Variants in CTNNA2 observed in about 807,000 individuals in gnomAD.
The protein encoded by CTNNA2 is catenin alpha-2.
Under a neutral mutation model 101.0 loss-of-function variants are expected in CTNNA2, and 42 were observed. The observed-to-expected ratio is 0.42, with a 90% CI of 0.32 to 0.54. CTNNA2 has a LOEUF of 0.54. CTNNA2 is among the 20% of genes least tolerant of loss of function. The pLI is 0.14. For synonymous variants in CTNNA2, 450 were observed against 456.4 expected (o/e 0.99, Z 0.18); for missense variants, 871 against 1,223.1 (o/e 0.71, Z 4.29).
At chr2:79,899,761 T>C (rs943002799) in intron 6 of CTNNA2, among the ~76,000 whole-genome samples, 4 of 152,242 alleles carry the variant, frequency 2.6e-5, no homozygotes, top group Non-Finnish European at 5.9e-5. Flanking sequence ...TAAAATACTT[T>C]GCAATTTAAA....
At chr2:80,524,649 A>G (rs976161464) in intron 9 of CTNNA2, among the ~76,000 whole-genome samples, 12 of 152,268 alleles carry the variant, frequency 7.9e-5, no homozygotes, top group African/African-American at 2.4e-4. Context: ...TCCCTAGAAT[A>G]GTCTCCCTAT....
At chr2:80,161,663 A>T (rs1704329600) in intron 7 of CTNNA2, among the ~76,000 whole-genome samples, 1 of 152,306 alleles carries the variant, frequency 6.6e-6, no homozygotes, top group East Asian at 1.9e-4. Context: ...AGGCTTCATG[A>T]ATCTTTTTTC....
chr2:79,498,808 A>G (rs1333106610), intron 4 of CTNNA2: 1 of 152,182 alleles, frequency 6.6e-6, no homozygotes, highest in Non-Finnish European at 1.5e-5. Context: ...GTTAACAAAA[A>G]CTTCACCTTG....
intron 7 of CTNNA2, among the ~76,000 whole-genome samples, chr2:80,216,498 T>C (rs552284308): frequency 6.6e-6 from 1 of 152,320 alleles, no homozygotes; most frequent in Admixed American, 6.5e-5. Context: ...AGGTGACGCC[T>C]TTGGGAGTTA....
At chr2:79,757,825 T>A (rs535610941) in intron 3 of CTNNA2, among the ~76,000 whole-genome samples, 3 of 152,210 alleles carry the variant, frequency 2.0e-5, no homozygotes, top group Non-Finnish European at 4.4e-5. Flanking sequence ...CATGAGTTCA[T>A]TGGGGCTCAT....
intron 4 of CTNNA2, among the ~76,000 whole-genome samples, chr2:79,448,081 T>C (rs1175318288): frequency 6.6e-6 from 1 of 152,078 alleles, no homozygotes; most frequent in African/African-American, 2.4e-5. Context: ...GATTTTCTTA[T>C]AGACAGTATA....
At chr2:79,219,378 A>G (rs760896172) in intron 2 of CTNNA2, among the ~76,000 whole-genome samples, 2 of 152,322 alleles carry the variant, frequency 1.3e-5, no homozygotes, top group East Asian at 1.9e-4. Flanking sequence ...GCACCGTCCT[A>G]TAGAGTAGCC....
chr2:80,228,930 A>C (rs1709044446), intron 7 of CTNNA2, among the ~76,000 whole-genome samples: 1 of 152,154 alleles, frequency 6.6e-6, no homozygotes, highest in African/African-American at 2.4e-5. Flanking sequence ...TTAGTCATTC[A>C]TACCTTTTAT....
Position 80,222,584 on chromosome 2 carries a change from G to T in CTNNA2, c.1057-170627G>T, listed in dbSNP as rs1034320641. 2.0e-5 allele frequency among the ~76,000 whole-genome samples: 3 copies of T among 152,088 alleles called. No individual in the cohort carries two copies. The South Asian group carries it at 6.2e-4, about 32-fold the overall frequency. ...AGAATTTTGGTCTTCTAAAGCCCAG[G>T]CCCAAGCACTTTTTTCTTCTTCACT... On this transcript the variant is annotated intron_variant, in intron 7 of 18. Transcript: ENST00000402739.
upstream of CTNNA2, chr2:79,512,858 A>C: frequency 1.3e-5 from 2 of 150,330 alleles, no homozygotes; most frequent in Non-Finnish European, 1.5e-5. Context: ...GTGCCTTTCC[A>C]GGCGCCGCGG....
intron 7 of CTNNA2, chr2:80,298,944 A>G (rs1675999457): frequency 6.6e-6 from 1 of 152,150 alleles, no homozygotes; most frequent in Admixed American, 6.5e-5. Context: ...CTCTGGTCCA[A>G]CCTAAAAAAC....
chr2:79,255,276 C>A (rs1674829050), intron 2 of CTNNA2, among the ~76,000 whole-genome samples: 1 of 152,132 alleles, frequency 6.6e-6, no homozygotes, highest in South Asian at 2.1e-4. Flanking sequence ...AACCATGATT[C>A]TTGTTTATGA....
intron 2 of CTNNA2, among the ~76,000 whole-genome samples, chr2:79,654,761 A>T (rs969263709): frequency 3.3e-5 from 5 of 152,164 alleles, no homozygotes; most frequent in African/African-American, 1.2e-4. Context: ...TCATTCAGTC[A>T]TGACTCTTGT....
chr2:79,341,423 A>C (rs1677134647), intron 3 of CTNNA2, among the ~76,000 whole-genome samples: 1 of 152,168 alleles, frequency 6.6e-6, no homozygotes, highest in Non-Finnish European at 1.5e-5. Context: ...GAGTGGGTGA[A>C]AAAAATGAGG....
At chr2:80,142,818 C>G (rs989303059) in intron 7 of CTNNA2, among the ~76,000 whole-genome samples, 14 of 152,082 alleles carry the variant, frequency 9.2e-5, no homozygotes, top group Non-Finnish European at 1.8e-4. Flanking sequence ...AACTAAGGAC[C>G]CATGACTGTA....
chr2:79,542,304 T>G (rs1008605933), intron 1 of CTNNA2, among the ~76,000 whole-genome samples: 1 of 152,172 alleles, frequency 6.6e-6, no homozygotes, highest in Non-Finnish European at 1.5e-5. Context: ...ATGCACTATG[T>G]TATCTGATGT....
chr2:79,634,373 CTT>C (rs1190836035), intron 1 of CTNNA2, among the ~76,000 whole-genome samples: 9 of 152,120 alleles, frequency 5.9e-5, no homozygotes, highest in African/African-American at 2.2e-4. Flanking sequence ...ATTGTAGTGA[CTT>C]TTGGAGAATG....
At chr2:80,151,754 A>G (rs1307574265) in intron 7 of CTNNA2, among the ~76,000 whole-genome samples, 2 of 152,148 alleles carry the variant, frequency 1.3e-5, no homozygotes, top group Non-Finnish European at 2.9e-5. Flanking sequence ...TTTCTGTGTA[A>G]TGGCTGGCAC....
intron 1 of CTNNA2, among the ~76,000 whole-genome samples, chr2:79,522,717 A>G (rs1200774040): frequency 6.6e-6 from 1 of 152,150 alleles, no homozygotes; most frequent in East Asian, 1.9e-4. Context: ...CATTCAGGAG[A>G]ACTAAAGCTG....
Sources: allele counts gnomAD v4.1 joint callset (sites outside exome capture counted in the v4.1 genomes callset), GRCh38; gene constraint gnomAD v4.1.1; transcripts MANE v1.5; gene names NCBI Gene and HGNC (gene_info 2026-07-23, HGNC 2026-07-21).